ANGPT2: variants seen among roughly 807,000 people sequenced by gnomAD.
ANGPT2 encodes angiopoietin-2.
In ANGPT2, 28 loss-of-function variants were observed where a neutral mutation model predicts 62.9. The ratio of observed to expected loss-of-function variants is 0.44; its 90% CI spans 0.33 to 0.61. The LOEUF (loss-of-function observed/expected upper bound fraction) is 0.61, where lower values mean the gene tolerates loss of function less well. Ranked by LOEUF, ANGPT2 falls within the 20% of genes least tolerant of loss-of-function variation. The probability of loss-of-function intolerance (pLI) is 0.03; values close to 1 mark genes in which losing one functional copy is unlikely to be tolerated. For synonymous variants in ANGPT2, 284 were observed against 207.8 expected, an observed-to-expected ratio of 1.37 and a Z score of -3.15; for missense variants, 727 against 594.9, an observed-to-expected ratio of 1.22 and a Z score of -2.31.
At chr8:6,517,096 G>T (rs913358739) in intron 5 of ANGPT2, among the ~76,000 whole-genome samples, 2 of 152,182 alleles carry the variant, frequency 1.3e-5, no homozygotes, top group Admixed American at 6.6e-5. Context: ...TTCAAATAGA[G>T]TTATCTACCC....
chr8:6,503,586 C>G (rs1812634681), intron 8 of ANGPT2, among the ~76,000 whole-genome samples: 2 of 152,210 alleles, frequency 1.3e-5, no homozygotes, highest in Admixed American at 6.5e-5. Context: ...AAGCAAACAT[C>G]TGAGGCACAG....
chr8:6,557,217 C>T (rs1267114079), intron 1 of ANGPT2, among the ~76,000 whole-genome samples: 5 of 152,228 alleles, frequency 3.3e-5, no homozygotes, highest in South Asian at 2.1e-4. Flanking sequence ...TTTGCTTTAC[C>T]GCTGGGCAAT....
intron 1 of ANGPT2, among the ~76,000 whole-genome samples, chr8:6,551,340 G>T (rs1451492176): frequency 6.6e-6 from 1 of 152,138 alleles, no homozygotes. Context: ...TTCTATGCAT[G>T]TCAGCTGCAA....
chr8:6,534,950 G>C (rs1820223358), intron 1 of ANGPT2, among the ~76,000 whole-genome samples: 1 of 152,166 alleles, frequency 6.6e-6, no homozygotes, highest in Non-Finnish European at 1.5e-5. Context: ...AGTTAAAGCT[G>C]TGTGTCACCC....
At chr8:6,547,799 A>G (rs1333520247) in intron 1 of ANGPT2, among the ~76,000 whole-genome samples, 1 of 152,090 alleles carries the variant, frequency 6.6e-6, no homozygotes, top group East Asian at 1.9e-4. Flanking sequence ...ATGCGGGGCC[A>G]GGGGAGCACC....
At chr8:6,518,911 G>A (rs948440600) in intron 5 of ANGPT2, among the ~76,000 whole-genome samples, 1 of 147,614 alleles carries the variant, frequency 6.8e-6, no homozygotes, top group Non-Finnish European at 1.5e-5. Flanking sequence ...CTCCGGAAGG[G>A]TTTTTTTTTT....
At chr8:6,521,446 A>G in intron 3 of ANGPT2, 36 bp from the exon 4 acceptor site, 5 of 1,385,864 alleles carry the variant, frequency 3.6e-6, no homozygotes, top group Non-Finnish European at 5.0e-6. Flanking sequence ...AGTGAAGGCT[A>G]TTCTAATGAA....
chr8:6,515,814 G>A (rs1318246416), intron 5 of ANGPT2, among the ~76,000 whole-genome samples: 1 of 152,180 alleles, frequency 6.6e-6, no homozygotes, highest in South Asian at 2.1e-4. Flanking sequence ...AGGCGATTTG[G>A]CAGGGTAAGC....
intron 2 of ANGPT2, among the ~76,000 whole-genome samples, chr8:6,527,899 A>ATTTTTTTTTTTTTTT (rs71213313): frequency 1.1e-4 from 14 of 133,118 alleles, no homozygotes; most frequent in Non-Finnish European, 1.5e-4. Context: ...CCACGTCTCT[A>ATTTTTTTTTTTTTTT]TTTTTTTTTT....
intron 1 of ANGPT2, among the ~76,000 whole-genome samples, chr8:6,544,159 G>A (rs777676904): frequency 5.3e-5 from 8 of 152,206 alleles, no homozygotes; most frequent in Non-Finnish European, 8.8e-5. Flanking sequence ...AAATTTGGTA[G>A]GAAGTGTAAC....
intron 5 of ANGPT2, among the ~76,000 whole-genome samples, chr8:6,519,154 GC>G (rs1158815304): frequency 6.6e-6 from 1 of 152,186 alleles, no homozygotes; most frequent in Non-Finnish European, 1.5e-5. Flanking sequence ...CTTCCAGACT[GC>G]GTTAGATGAG....
chr8:6,537,665 A>G lies in ANGPT2; in HGVS notation c.289-5178T>C, dbSNP rs80181087. ...CAAATTTGACAGGAAAAATAGGTCC[A>G]TTTGTGAGGCAACTATGGCAGATTG... On this transcript the variant is annotated intron_variant, in intron 1 of 8. Coordinates refer to ENST00000629816, the MANE Select transcript of ANGPT2 (RefSeq NM_001118887.2). 6.8e-3 allele frequency among the ~76,000 whole-genome samples: 1,038 copies of G among 152,180 alleles called. 11 individuals are homozygous for G. The highest frequency in any genetic ancestry group is 0.023 in the African/African-American group (940 of 41,514).
chr8:6,527,685 A>G lies in ANGPT2; in HGVS notation c.445-9T>C. ...GTGGTCTGATTTAATACCTAAATGT[A>G]ACAAAATGAAGTTCCTATTAATTAT... On this transcript the variant is annotated splice_polypyrimidine_tract_variant and intron_variant, in intron 2 of 8. Coordinates refer to ENST00000629816, the MANE Select transcript of ANGPT2 (RefSeq NM_001118887.2). The G allele has an allele frequency of 6.3e-7, 1 of 1,597,232 alleles. No individual in the cohort carries two copies.
intron 1 of ANGPT2, among the ~76,000 whole-genome samples, chr8:6,559,492 G>T (rs1825181016): frequency 6.6e-6 from 1 of 152,174 alleles, no homozygotes; most frequent in East Asian, 1.9e-4. Flanking sequence ...GCCTGTTCTT[G>T]TGTTGTTTAA....
intron 1 of ANGPT2, among the ~76,000 whole-genome samples, chr8:6,546,249 G>A (rs571286406): frequency 5.4e-4 from 82 of 152,352 alleles, no homozygotes; most frequent in African/African-American, 1.7e-3. Flanking sequence ...GAGACAGTCT[G>A]AATATTCAAG....
chr8:6,514,935 C>T lies in ANGPT2; in HGVS notation c.928-157G>A, dbSNP rs1259314358. 2.0e-5 allele frequency among the ~76,000 whole-genome samples: 3 copies of T among 151,978 alleles called. No homozygotes were observed. The East Asian group carries it at 5.8e-4, about 29-fold the overall frequency. On this transcript the variant is annotated intron_variant, in intron 5 of 8. Coordinates refer to ENST00000629816, the MANE Select transcript of ANGPT2 (RefSeq NM_001118887.2). ...TAGACCATCGGGGTTGTCTAAGAAA[C>T]AGATGGTTTCAAATAAATTGAAAGT...
intron 1 of ANGPT2, among the ~76,000 whole-genome samples, chr8:6,538,522 C>G (rs1820919771): frequency 6.6e-6 from 1 of 152,180 alleles, no homozygotes; most frequent in African/African-American, 2.4e-5. Context: ...CGCCCCTGAT[C>G]TTGTGGGCCT....
chr8:6,562,342 A>G (rs554549535), intron 1 of ANGPT2, among the ~76,000 whole-genome samples: 23 of 152,094 alleles, frequency 1.5e-4, no homozygotes, highest in Non-Finnish European at 2.8e-4. Flanking sequence ...AGAACGGCAC[A>G]CAAGTTGTGC....
chr8:6,504,198 G>T (rs11779671), intron 8 of ANGPT2, among the ~76,000 whole-genome samples: 12,937 of 150,994 alleles, frequency 0.086, 782 homozygotes, highest in Admixed American at 0.15. Flanking sequence ...GACGCCTGTA[G>T]TCCCAGCTAC....
Sources: allele counts gnomAD v4.1 joint callset (sites outside exome capture counted in the v4.1 genomes callset), GRCh38; gene constraint gnomAD v4.1.1; transcripts MANE v1.5; gene names NCBI Gene and HGNC (gene_info 2026-07-23, HGNC 2026-07-21).